The following PPP6R3 variants were observed in gnomAD, a reference collection of about 807,000 sequenced individuals.
The protein encoded by PPP6R3 is protein phosphatase 6 regulatory subunit 3, also known as serine/threonine-protein phosphatase 6 regulatory subunit 3.
Under a neutral mutation model 110.7 loss-of-function variants are expected in PPP6R3, and 38 were observed. The observed-to-expected ratio is 0.34, with a 90% CI of 0.26 to 0.45. The LOEUF (loss-of-function observed/expected upper bound fraction) is 0.45, where lower values mean the gene tolerates loss of function less well. PPP6R3 is among the 20% of genes least tolerant of loss of function. The probability of loss-of-function intolerance (pLI) is 1.00; values close to 1 mark genes in which losing one functional copy is unlikely to be tolerated. For missense variants in PPP6R3, 870 were observed against 1,062.4 expected (o/e 0.82, Z 2.52); for synonymous variants, 369 against 373.5 (o/e 0.99, Z 0.14).
At chr11:68,490,602 G>C (rs77532362) in intron 1 of PPP6R3, among the ~76,000 whole-genome samples, 189 of 151,184 alleles carry the variant, frequency 1.3e-3, no homozygotes, top group African/African-American at 4.2e-3. Context: ...TTTTGTAGTT[G>C]TCCCATAGTT....
chr11:68,574,698 G>A (rs143567484), intron 13 of PPP6R3, among the ~76,000 whole-genome samples: 4 of 152,248 alleles, frequency 2.6e-5, no homozygotes, highest in African/African-American at 7.2e-5. Flanking sequence ...GAGGGGTATT[G>A]GCTTCTAAAG....
intron 1 of PPP6R3, among the ~76,000 whole-genome samples, chr11:68,508,498 A>G (rs1198885199): frequency 6.6e-6 from 1 of 152,130 alleles, no homozygotes; most frequent in African/African-American, 2.4e-5. Flanking sequence ...TTATTTTCCT[A>G]GACTATAAAA....
intron 11 of PPP6R3, among the ~76,000 whole-genome samples, chr11:68,570,262 C>T (rs1316770393): frequency 1.3e-5 from 2 of 152,208 alleles, no homozygotes; most frequent in Non-Finnish European, 2.9e-5. Flanking sequence ...TTGCTGAATA[C>T]GTGACTGAAA....
Position 68,537,936 on chromosome 11 carries a change from TG to T in PPP6R3, c.227+50del, listed in dbSNP as rs1464832475. 3 of 1,393,012 alleles carry T rather than the reference TG, an allele frequency of 2.2e-6. No individual in the cohort carries two copies. In the African/African-American group the frequency reaches 4.3e-5, roughly 20 times the overall value. The allele number at this position is 1,393,012 out of a possible 1,614,324, so 86.3% of individuals were successfully genotyped here. A position where few individuals can be genotyped will look rare whatever the true frequency, so the allele number is the denominator to read the frequency against. ...TCTGTAGAGTGGGACTAAAGTGAAGTGGGGGTAGAATATACAGCTCTTGTTC... is the reference window on the plus strand; with the variant it reads ...TCTGTAGAGTGGGACTAAAGTGAAGTGGGGTAGAATATACAGCTCTTGTTC... On this transcript the variant is annotated intron_variant, in intron 3 of 23. Coordinates refer to ENST00000393800, the MANE Select transcript of PPP6R3 (RefSeq NM_001164161.2).
At chr11:68,566,237 G>GGCTGCTGCT (rs59680768) in intron 9 of PPP6R3, among the ~76,000 whole-genome samples, 33,789 of 151,174 alleles carry the variant, frequency 0.22, 3,963 homozygotes, top group Middle Eastern at 0.31. Context: ...CCACCACCAC[G>GGCTGCTGCT]GCTGCTGCTG....
chr11:68,529,750 A>G (rs1207235539), intron 2 of PPP6R3, among the ~76,000 whole-genome samples: 1 of 152,244 alleles, frequency 6.6e-6, no homozygotes, highest in Non-Finnish European at 1.5e-5. Flanking sequence ...CATTTCAAGA[A>G]TATACATGAT....
chr11:68,527,137 T>C (rs2153601464), intron 2 of PPP6R3, among the ~76,000 whole-genome samples: 1 of 152,302 alleles, frequency 6.6e-6, no homozygotes, highest in East Asian at 1.9e-4. Context: ...AAAGTACAGC[T>C]CCAGAATGAA....
chr11:68,471,137 T>G (rs2098788504), intron 1 of PPP6R3, among the ~76,000 whole-genome samples: 1 of 151,312 alleles, frequency 6.6e-6, no homozygotes, highest in South Asian at 2.1e-4. Flanking sequence ...ACAAAAAAAT[T>G]AGCCGGCTTA....
At chr11:68,612,669 G>A (rs1046522670) in intron 23 of PPP6R3, among the ~76,000 whole-genome samples, 5 of 150,218 alleles carry the variant, frequency 3.3e-5, no homozygotes, top group African/African-American at 9.8e-5. Flanking sequence ...AAGTGAAATA[G>A]TATGTGGATT....
chr11:68,543,727 G>GTCCT (rs2099330982), intron 3 of PPP6R3, among the ~76,000 whole-genome samples: 1 of 152,252 alleles, frequency 6.6e-6, no homozygotes, highest in Non-Finnish European at 1.5e-5. Flanking sequence ...GGGGCGCTGG[G>GTCCT]TCCTGGCTGT....
intron 1 of PPP6R3, among the ~76,000 whole-genome samples, chr11:68,513,154 G>T (rs546101550): frequency 1.3e-5 from 2 of 152,044 alleles, no homozygotes; most frequent in African/African-American, 2.4e-5. Flanking sequence ...ATTGAACCTC[G>T]TTACCGGCAT....
intron 2 of PPP6R3, among the ~76,000 whole-genome samples, chr11:68,533,633 A>T (rs1370215638): frequency 7.5e-6 from 1 of 133,040 alleles, no homozygotes; most frequent in Non-Finnish European, 1.6e-5. Flanking sequence ...TGAGTCCTGG[A>T]GGCAGAGGTT....
chr11:68,544,819 A>G lies in PPP6R3; in HGVS notation c.228-19A>G. On this transcript the variant is annotated intron_variant, in intron 3 of 23. Coordinates refer to ENST00000393800, the MANE Select transcript of PPP6R3 (RefSeq NM_001164161.2). The stretch of plus-strand genomic sequence containing the variant: ...AAACTGTTAATAAAGATGATGATGT[A>G]AATATCCTGTTCTTCTAGGTATCCA... The G allele has an allele frequency of 6.5e-7, 1 of 1,528,046 alleles. No individual in the cohort carries two copies. 94.7% of individuals were successfully genotyped at this position (1,528,046 alleles called of 1,614,324 possible).
intron 23 of PPP6R3, 110 bp from the exon 24 acceptor site, chr11:68,612,955 CA>C: frequency 6.5e-7 from 1 of 1,546,544 alleles, no homozygotes; most frequent in Non-Finnish European, 8.7e-7. Flanking sequence ...TTACTAAGTT[CA>C]AAACAATGTT....
chr11:68,503,779 C>T (rs1167247761), intron 1 of PPP6R3, among the ~76,000 whole-genome samples: 1 of 151,932 alleles, frequency 6.6e-6, no homozygotes, highest in Non-Finnish European at 1.5e-5. Context: ...TTAAAATAAC[C>T]CCTACAAATC....
At position 68,573,114 on chromosome 11, in the gene PPP6R3, TTATATATATATATATATATATATA is replaced by T. The variant is rs60848718; in HGVS notation, c.1344-978_1344-955del. Reference sequence around the variant, plus strand: ...TCAGATTAATATGAGTTTACTTATTTTATATATATATATATATATATATATATATATATATATATAATTTTTTTT... The same window carrying T: ...TCAGATTAATATGAGTTTACTTATTTTATATATATATATATAATTTTTTTT... On this transcript the variant is annotated intron_variant, in intron 12 of 23. Transcript: ENST00000393800. Among the ~76,000 whole-genome samples the T allele has an allele frequency of 5.1e-3, 315 of 61,804 alleles. 21 individuals carry two copies. The South Asian group carries it at 0.15, about 29-fold the overall frequency. 40.5% of individuals were successfully genotyped at this position (61,804 alleles called of 152,430 possible).
At chr11:68,532,033 T>A (rs148678097) in intron 2 of PPP6R3, among the ~76,000 whole-genome samples, 1 of 152,340 alleles carries the variant, frequency 6.6e-6, no homozygotes, top group East Asian at 1.9e-4. Context: ...ACAGATAGAC[T>A]GATGTTCTTG....
Position 68,601,907 on chromosome 11 carries a change from C to G in PPP6R3, c.2237C>G (p.Thr746Ser). 3 of 1,613,516 alleles carry G rather than the reference C, an allele frequency of 1.9e-6. No homozygotes were observed. Among genetic ancestry groups the G allele is most frequent in the African/African-American group, 1.3e-5 (1 of 75,048 alleles). ...AGTAATTCTCCAGTGGAAATGGAAACCAGCACTGAACCCATGGACCCTCTG... is the reference window on the plus strand; with the variant it reads ...AGTAATTCTCCAGTGGAAATGGAAAGCAGCACTGAACCCATGGACCCTCTG... The part of the protein sequence containing the change: ...LRSNSPVEME[T>S]STEPMDPLTP... The change falls in exon 21 of 24, where the codon ACC (threonine) becomes AGC (serine). Residue 746 changes from threonine to serine, a missense_variant. Thr to Ser is a moderately conservative substitution (Grantham distance 58). Transcript: ENST00000393800.
At chr11:68,607,945 T>G (rs1266769448) in intron 22 of PPP6R3, among the ~76,000 whole-genome samples, 1 of 152,112 alleles carries the variant, frequency 6.6e-6, no homozygotes, top group Non-Finnish European at 1.5e-5. Context: ...GGCTTAATTT[T>G]TTTGTTTGTT....
Sources: allele counts gnomAD v4.1 joint callset (sites outside exome capture counted in the v4.1 genomes callset), GRCh38; gene constraint gnomAD v4.1.1; transcripts MANE v1.5; gene names NCBI Gene and HGNC (gene_info 2026-07-23, HGNC 2026-07-21).